Variants in GABRA3 observed in about 807,000 individuals in gnomAD.
GABRA3 encodes gamma-aminobutyric acid type A receptor subunit alpha3.
A neutral mutation model predicts 30.1 loss-of-function variants in GABRA3; 10 were observed. The observed-to-expected ratio is 0.33, with a 90% CI of 0.20 to 0.56. The LOEUF is 0.56. GABRA3 is among the 20% of genes least tolerant of loss of function. GABRA3 has a pLI of 0.89. For missense variants in GABRA3, 233 were observed against 392.0 expected (o/e 0.59, Z 3.42); for synonymous variants, 151 against 146.8 (o/e 1.03, Z -0.21).
At chrX:152,314,775 C>T (rs1315667849) in intron 3 of GABRA3, among the ~76,000 whole-genome samples, 2 of 111,923 alleles carry the variant, frequency 1.8e-5, no homozygotes, top group East Asian at 5.6e-4. Context: ...TACTGTTATT[C>T]TATTTCACGT....
At chrX:152,330,173 G>A (rs1940139448) in intron 3 of GABRA3, among the ~76,000 whole-genome samples, 1 of 111,875 alleles carries the variant, frequency 8.9e-6, no homozygotes, top group Non-Finnish European at 1.9e-5. Context: ...CTGTTAGAAT[G>A]GGGATCATTA....
intron 1 of GABRA3, among the ~76,000 whole-genome samples, chrX:152,391,164 C>T (rs749820583): frequency 1.3e-4 from 14 of 111,574 alleles, no homozygotes; most frequent in South Asian, 3.8e-4. Flanking sequence ...CAGGCAAACA[C>T]GATACTGTCA....
chrX:152,285,676 TC>T (rs1939279853), intron 3 of GABRA3, among the ~76,000 whole-genome samples: 1 of 110,734 alleles, frequency 9.0e-6, no homozygotes, highest in South Asian at 3.8e-4. Flanking sequence ...TGCTCACAGT[TC>T]TGGAGTCTGG....
intron 1 of GABRA3, among the ~76,000 whole-genome samples, chrX:152,416,022 A>G (rs1480153273): frequency 9.0e-6 from 1 of 110,863 alleles, no homozygotes; most frequent in African/African-American, 3.3e-5. Context: ...ATTTTCATAC[A>G]ATACTTAGGC....
At chrX:152,214,640 T>C (rs185517059) in intron 6 of GABRA3, among the ~76,000 whole-genome samples, 1 of 111,233 alleles carries the variant, frequency 9.0e-6, no homozygotes, top group East Asian at 2.8e-4. Flanking sequence ...ATAGCAATCG[T>C]ATTGAATGTG....
chrX:152,432,252 A>T (rs1930666064), intron 1 of GABRA3, among the ~76,000 whole-genome samples: 1 of 111,862 alleles, frequency 8.9e-6, no homozygotes, highest in Non-Finnish European at 1.9e-5. Flanking sequence ...CAGTATATGC[A>T]TGTTATTTAG....
intron 1 of GABRA3, among the ~76,000 whole-genome samples, chrX:152,447,207 G>C (rs1278819602): frequency 9.0e-6 from 1 of 111,119 alleles, no homozygotes; most frequent in Non-Finnish European, 1.9e-5. Context: ...GTTCATCATA[G>C]GCACTTAGTA....
chrX:152,209,030 G>A (rs1345986258), intron 6 of GABRA3, among the ~76,000 whole-genome samples: 3 of 111,824 alleles, frequency 2.7e-5, no homozygotes, highest in African/African-American at 9.8e-5. Context: ...ATTATGGGGT[G>A]AGCATATCAG....
chrX:152,400,127 G>A (rs1481077913), intron 1 of GABRA3, among the ~76,000 whole-genome samples: 2 of 111,360 alleles, frequency 1.8e-5, no homozygotes, highest in Admixed American at 1.9e-4. Context: ...ATTTTCTCAC[G>A]TTAATTTATG....
At chrX:152,408,880 C>G (rs1297958482) in intron 1 of GABRA3, among the ~76,000 whole-genome samples, 1 of 110,964 alleles carries the variant, frequency 9.0e-6, no homozygotes, top group Admixed American at 9.6e-5. Context: ...ACATATAGAC[C>G]AATGGAATAG....
chrX:152,235,365 C>T (rs902651650), intron 5 of GABRA3, among the ~76,000 whole-genome samples: 3 of 111,152 alleles, frequency 2.7e-5, no homozygotes, highest in African/African-American at 9.8e-5. Flanking sequence ...TTGGTAGAGT[C>T]TCTGGGATTT....
intron 1 of GABRA3, among the ~76,000 whole-genome samples, chrX:152,446,539 G>A (rs1349226245): frequency 3.8e-5 from 4 of 105,793 alleles, no homozygotes; most frequent in Non-Finnish European, 7.7e-5. Context: ...AAGGTTCATT[G>A]TTCTCTCCCA....
chrX:152,185,573 C>T (rs112877162), intron 9 of GABRA3, among the ~76,000 whole-genome samples: 220 of 111,449 alleles, frequency 2.0e-3, no homozygotes, highest in African/African-American at 6.5e-3. Flanking sequence ...TTGCAGCTAT[C>T]TAAAAATAGC....
At chrX:152,336,148 C>T (rs1452916652) in intron 3 of GABRA3, among the ~76,000 whole-genome samples, 1 of 110,310 alleles carries the variant, frequency 9.1e-6, no homozygotes, top group Non-Finnish European at 1.9e-5. Flanking sequence ...TATCCCACCC[C>T]ACCACAGGCC....
intron 4 of GABRA3, among the ~76,000 whole-genome samples, chrX:152,274,911 T>A (rs1055456536): frequency 5.7e-5 from 6 of 105,868 alleles, no homozygotes; most frequent in African/African-American, 2.1e-4. Flanking sequence ...TTGATAAGTT[T>A]AATTGAGAAA....
chrX:152,240,533 C>A (rs1212170942), intron 5 of GABRA3, among the ~76,000 whole-genome samples: 1 of 88,511 alleles, frequency 1.1e-5, no homozygotes, highest in Admixed American at 1.3e-4. Flanking sequence ...TGAATCTGAA[C>A]GTTGGCCTGC....
At chrX:152,251,132 C>T (rs1444727697) in intron 5 of GABRA3, 4 of 332,468 alleles carry the variant, frequency 1.2e-5, no homozygotes, top group Non-Finnish European at 6.0e-6. Flanking sequence ...TGTAGGAAAC[C>T]GATGGCTTCA....
intron 1 of GABRA3, among the ~76,000 whole-genome samples, chrX:152,419,145 G>A (rs1359712936): frequency 9.1e-6 from 1 of 109,899 alleles, no homozygotes; most frequent in African/African-American, 3.3e-5. Flanking sequence ...CTGTTGTGGG[G>A]TGGGGGGTGC....
chrX:152,283,455 G>T (rs1179702906), intron 4 of GABRA3, among the ~76,000 whole-genome samples: 1 of 111,562 alleles, frequency 9.0e-6, no homozygotes, highest in Non-Finnish European at 1.9e-5. Context: ...ACATACTGAT[G>T]ATTTCTTCTC....
Sources: allele counts gnomAD v4.1 joint callset (sites outside exome capture counted in the v4.1 genomes callset), GRCh38; gene constraint gnomAD v4.1.1; transcripts MANE v1.5; gene names NCBI Gene and HGNC (gene_info 2026-07-23, HGNC 2026-07-21).